DDX10: variants seen among roughly 807,000 people sequenced by gnomAD.
DDX10 encodes probable ATP-dependent RNA helicase DDX10.
Under a neutral mutation model 104.3 loss-of-function variants are expected in DDX10, and 74 were observed. That is an observed-to-expected ratio of 0.71 (90% CI 0.59 to 0.86). The LOEUF (loss-of-function observed/expected upper bound fraction) is 0.86. Among genes scored for constraint, DDX10 ranks in the 40% least tolerant of loss-of-function variants. The probability of loss-of-function intolerance (pLI) is 0.00; values close to 1 mark genes in which losing one functional copy is unlikely to be tolerated. For missense variants in DDX10, 952 were observed against 1,040.0 expected, an observed-to-expected ratio of 0.92 and a Z score of 1.16; for synonymous variants, 351 against 353.4, an observed-to-expected ratio of 0.99 and a Z score of 0.08.
At chr11:108,850,836 A>G (rs954968038) in intron 15 of DDX10, among the ~76,000 whole-genome samples, 1 of 152,170 alleles carries the variant, frequency 6.6e-6, no homozygotes, top group Non-Finnish European at 1.5e-5. Context: ...TCCCAAGTCC[A>G]TCACTTACTA....
At position 108,899,222 on chromosome 11, in the gene DDX10, G is replaced by T. The variant is rs568287864; in HGVS notation, c.2305-18651G>T. On this transcript the variant is annotated intron_variant, in intron 16 of 17. Coordinates refer to ENST00000322536, the MANE Select transcript of DDX10 (RefSeq NM_004398.4). ...GTAGTTCTGGAACTATCTTTATTGG[G>T]TTTTTTTTTTCTCCTCCCCCCAACC... Among the ~76,000 whole-genome samples, 586 of 147,292 alleles carry T rather than the reference G, an allele frequency of 4.0e-3. 4 individuals carry two copies. The highest frequency in any genetic ancestry group is 4.7e-3 in the Non-Finnish European group (314 of 66,488).
intron 13 of DDX10, among the ~76,000 whole-genome samples, chr11:108,806,991 A>G (rs201147028): frequency 5.2e-4 from 79 of 152,300 alleles, no homozygotes; most frequent in African/African-American, 1.9e-3. Flanking sequence ...GAACAGGTTA[A>G]AGATGTGATC....
intron 15 of DDX10, among the ~76,000 whole-genome samples, chr11:108,848,228 C>G (rs1862744987): frequency 6.6e-6 from 1 of 152,142 alleles, no homozygotes; most frequent in Non-Finnish European, 1.5e-5. Context: ...ATGTTCATTG[C>G]ATAGCTAGAT....
chr11:108,906,220 C>T (rs1380628213), intron 16 of DDX10, among the ~76,000 whole-genome samples: 1 of 152,036 alleles, frequency 6.6e-6, no homozygotes, highest in Non-Finnish European at 1.5e-5. Flanking sequence ...CTCCTTTGAG[C>T]CTTAATCATT....
intron 13 of DDX10, among the ~76,000 whole-genome samples, chr11:108,728,889 C>T (rs551569015): frequency 1.3e-4 from 20 of 152,186 alleles, no homozygotes; most frequent in Middle Eastern, 3.4e-3. Flanking sequence ...AAAGTGTCTT[C>T]GCAAATATTT....
chr11:108,903,509 C>T (rs1352272875), intron 16 of DDX10, among the ~76,000 whole-genome samples: 1 of 152,148 alleles, frequency 6.6e-6, no homozygotes, highest in Non-Finnish European at 1.5e-5. Flanking sequence ...ACTGAACATG[C>T]ACAGACATTT....
intron 9 of DDX10, among the ~76,000 whole-genome samples, chr11:108,696,070 A>G (rs2094259457): frequency 6.6e-6 from 1 of 152,220 alleles, no homozygotes; most frequent in Non-Finnish European, 1.5e-5. Flanking sequence ...TCTTGGAACT[A>G]ACTAAAATGG....
chr11:108,801,148 T>C (rs1321164500), intron 13 of DDX10, among the ~76,000 whole-genome samples: 2 of 152,182 alleles, frequency 1.3e-5, no homozygotes, highest in African/African-American at 4.8e-5. Flanking sequence ...GTATTCTGAA[T>C]GCAAGAATAT....
At chr11:108,876,681 GAAGT>G (rs1355672175) in intron 16 of DDX10, among the ~76,000 whole-genome samples, 3 of 152,164 alleles carry the variant, frequency 2.0e-5, no homozygotes, top group Non-Finnish European at 4.4e-5. Flanking sequence ...AATTTACTAA[GAAGT>G]AAGTGAGATA....
intron 13 of DDX10, among the ~76,000 whole-genome samples, chr11:108,784,118 G>A (rs1861752233): frequency 6.6e-6 from 1 of 152,136 alleles, no homozygotes; most frequent in African/African-American, 2.4e-5. Flanking sequence ...GAATATACAA[G>A]TACATATATG....
At chr11:108,823,031 T>C (rs2134579395) in intron 13 of DDX10, among the ~76,000 whole-genome samples, 1 of 152,336 alleles carries the variant, frequency 6.6e-6, no homozygotes, top group Non-Finnish European at 1.5e-5. Context: ...CGAAATTGTC[T>C]CTTGACTTTG....
intron 13 of DDX10, among the ~76,000 whole-genome samples, chr11:108,763,488 T>G (rs1435776943): frequency 2.0e-5 from 3 of 152,174 alleles, no homozygotes; most frequent in Non-Finnish European, 2.9e-5. Context: ...GCCAGAGATG[T>G]GGGGGGATAC....
At chr11:108,881,519 C>G (rs1591108589) in intron 16 of DDX10, among the ~76,000 whole-genome samples, 1 of 152,258 alleles carries the variant, frequency 6.6e-6, no homozygotes, top group Non-Finnish European at 1.5e-5. Flanking sequence ...TTAGAATTTT[C>G]TGACTTTATG....
chr11:108,716,325 T>C (rs1195976341), intron 11 of DDX10, among the ~76,000 whole-genome samples: 1 of 152,162 alleles, frequency 6.6e-6, no homozygotes, highest in Non-Finnish European at 1.5e-5. Context: ...GGTCTTGAAC[T>C]CCTGAGCTCA....
At chr11:108,678,001 GT>G (rs2094228368) in intron 4 of DDX10, among the ~76,000 whole-genome samples, 1 of 152,010 alleles carries the variant, frequency 6.6e-6, no homozygotes, top group African/African-American at 2.4e-5. Flanking sequence ...AGTGATTCCA[GT>G]TTATGTCAGT....
At chr11:108,852,335 A>G (rs1263414017) in intron 16 of DDX10, 126 bp downstream of exon 16, 3 of 639,070 alleles carry the variant, frequency 4.7e-6, no homozygotes, top group South Asian at 2.8e-5. Context: ...TCTTTTCAAC[A>G]TGGATTTTAT....
chr11:108,808,532 G>C (rs963897998), intron 13 of DDX10, among the ~76,000 whole-genome samples: 15 of 152,102 alleles, frequency 9.9e-5, no homozygotes, highest in African/African-American at 3.6e-4. Flanking sequence ...GTAGAAATAG[G>C]GGTGAAATTT....
chr11:108,914,450 G>T (rs1863719041), intron 16 of DDX10, among the ~76,000 whole-genome samples: 1 of 152,026 alleles, frequency 6.6e-6, no homozygotes, highest in East Asian at 1.9e-4. Flanking sequence ...CAGGCTCAGG[G>T]GAGACCCATA....
chr11:108,839,598 A>G (rs1157920146), intron 14 of DDX10, among the ~76,000 whole-genome samples: 1 of 152,240 alleles, frequency 6.6e-6, no homozygotes, highest in African/African-American at 2.4e-5. Flanking sequence ...TCATTAACAT[A>G]AAGACTGCTT....
Sources: gnomAD v4.1 joint callset for allele counts (sites outside exome capture counted in the v4.1 genomes callset) on GRCh38, gnomAD v4.1.1 for gene constraint, MANE v1.5 for transcripts, NCBI Gene and HGNC (gene_info 2026-07-23, HGNC 2026-07-21) for gene names.